The following AAK1 variants were observed in gnomAD, a reference collection of about 807,000 sequenced individuals.
AAK1 encodes the protein AP2-associated protein kinase 1.
AAK1 carries 37 observed loss-of-function variants against 116.0 expected under a neutral mutation model. The observed-to-expected ratio is 0.32, with a 90% CI of 0.25 to 0.42. The LOEUF (loss-of-function observed/expected upper bound fraction) is 0.42. AAK1 is among the 10% of genes least tolerant of loss of function. The pLI, the probability that AAK1 is intolerant of heterozygous loss-of-function variation, is 1.00. For missense variants in AAK1, 919 were observed against 1,170.6 expected, an observed-to-expected ratio of 0.79 and a Z score of 3.14; for synonymous variants, 458 against 439.9, an observed-to-expected ratio of 1.04 and a Z score of -0.51.
chr2:69,643,449 G>C (rs912717953), intron 1 of AAK1, 126 bp downstream of exon 1: 2 of 1,198,272 alleles, frequency 1.7e-6, no homozygotes, highest in Non-Finnish European at 2.1e-6. Flanking sequence ...CGGGACCCCC[G>C]AGCCGGGAGC....
At chr2:69,489,500 A>C (rs1438190241) in intron 17 of AAK1, among the ~76,000 whole-genome samples, 1 of 151,920 alleles carries the variant, frequency 6.6e-6, no homozygotes, top group East Asian at 1.9e-4. Context: ...AGGCTAATAA[A>C]ACCAAGGGCT....
Position 69,471,698 on chromosome 2 carries a change from T to G in AAK1, c.*4171A>C. 1.9e-5 allele frequency: 19 copies of G among 985,440 alleles called. No individual in the cohort carries two copies. The highest frequency in any genetic ancestry group is 2.3e-5 in the Non-Finnish European group (19 of 829,938). 61.0% of individuals were successfully genotyped at this position (985,440 alleles called of 1,614,324 possible). Reference sequence around the variant, plus strand: ...AAACCTTATCAAGAGAGACTTTATTTTGGCCCAAGGTATCTATAGCATGTA... The same window carrying G: ...AAACCTTATCAAGAGAGACTTTATTGTGGCCCAAGGTATCTATAGCATGTA... On this transcript the variant is annotated 3_prime_UTR_variant, in exon 22 of 22. Transcript: ENST00000409085.
intron 2 of AAK1, among the ~76,000 whole-genome samples, chr2:69,625,325 G>A (rs72897449): frequency 0.022 from 3,336 of 152,204 alleles, 112 homozygotes; most frequent in African/African-American, 0.074. Flanking sequence ...ATAAGGAAGC[G>A]GAAACCACCA....
At chr2:69,545,918 G>A (rs1392606734) in intron 3 of AAK1, among the ~76,000 whole-genome samples, 1 of 152,090 alleles carries the variant, frequency 6.6e-6, no homozygotes, top group Non-Finnish European at 1.5e-5. Context: ...TGTGCCTAAG[G>A]CAGCAGCATT....
chr2:69,590,904 G>A (rs777248019), intron 2 of AAK1, among the ~76,000 whole-genome samples: 1 of 152,136 alleles, frequency 6.6e-6, no homozygotes, highest in Non-Finnish European at 1.5e-5. Context: ...AACTTTATTG[G>A]AGCGATAAGG....
intron 2 of AAK1, among the ~76,000 whole-genome samples, chr2:69,564,724 C>T (rs1252800656): frequency 6.6e-6 from 1 of 152,174 alleles, no homozygotes; most frequent in Non-Finnish European, 1.5e-5. Context: ...CAAGGGCTTT[C>T]ACTTCATGCT....
At chr2:69,496,228 A>G (rs1462099725) in intron 16 of AAK1, 148 bp from the exon 17 acceptor site, 1 of 572,046 alleles carries the variant, frequency 1.7e-6, no homozygotes, top group Non-Finnish European at 3.1e-6. Context: ...AAGTGGCTGT[A>G]GCTCAGTGAA....
At chr2:69,594,320 C>T (rs1181313294) in intron 2 of AAK1, among the ~76,000 whole-genome samples, 12 of 152,192 alleles carry the variant, frequency 7.9e-5, no homozygotes, top group African/African-American at 2.9e-4. Flanking sequence ...TCCTGTGGAT[C>T]GTGTGTAGCC....
Position 69,471,788 on chromosome 2 carries a change from C to T in AAK1, c.*4081G>A. ...GTCAGCCCCAAAGATCCCTTCATTCCCACAGCACTGCTGAAGGCAGAACTG... is the reference window on the plus strand; with the variant it reads ...GTCAGCCCCAAAGATCCCTTCATTCTCACAGCACTGCTGAAGGCAGAACTG... On this transcript the variant is annotated 3_prime_UTR_variant, in exon 22 of 22. Coordinates refer to ENST00000409085, the MANE Select transcript of AAK1 (RefSeq NM_014911.5). 1.0e-6 allele frequency: 1 copy of T among 985,440 alleles called. No individual in the cohort carries two copies. Among genetic ancestry groups the T allele is most frequent in the South Asian group, 4.7e-5 (1 of 21,282 alleles). 61.0% of individuals were successfully genotyped at this position (985,440 alleles called of 1,614,324 possible).
At chr2:69,495,230 G>A (rs1158563898) in intron 17 of AAK1, among the ~76,000 whole-genome samples, 1 of 152,184 alleles carries the variant, frequency 6.6e-6, no homozygotes, top group African/African-American at 2.4e-5. Context: ...GAGTACGGAA[G>A]GAAGGCCGGA....
At chr2:69,479,657 A>G (rs1478243896) in intron 19 of AAK1, among the ~76,000 whole-genome samples, 1 of 152,216 alleles carries the variant, frequency 6.6e-6, no homozygotes, top group Non-Finnish European at 1.5e-5. Flanking sequence ...CTAGAACTCA[A>G]CCAGGTTCCC....
In AAK1 at chr2:69,643,215, C is replaced by T. The variant is rs1675827767; in HGVS notation, c.-175G>A. ...GAGGGAGGATGCCTATAGGAATATG[C>T]GTGTCAATCGCGCAGCGGGTCCCCT... On this transcript the variant is annotated 5_prime_UTR_variant, in exon 2 of 22. Coordinates refer to ENST00000409085, the MANE Select transcript of AAK1 (RefSeq NM_014911.5). 3 of 1,411,968 alleles carry T rather than the reference C, an allele frequency of 2.1e-6. No individual in the cohort carries two copies. The highest frequency in any genetic ancestry group is 3.1e-5 in the Admixed American group (1 of 31,912). The allele number at this position is 1,411,968 out of a possible 1,614,324, so 87.5% of individuals were successfully genotyped here.
At chr2:69,499,947 A>G (rs949092922) in intron 16 of AAK1, 2 of 152,222 alleles carry the variant, frequency 1.3e-5, no homozygotes, top group African/African-American at 4.8e-5. Flanking sequence ...TGTGTAAATT[A>G]TACACAGGAA....
intron 2 of AAK1, among the ~76,000 whole-genome samples, chr2:69,616,334 T>C (rs961855399): frequency 4.6e-5 from 7 of 152,308 alleles, no homozygotes; most frequent in African/African-American, 1.7e-4. Context: ...ACTGAACTGT[T>C]CACTTTAAAA....
At position 69,474,499 on chromosome 2, in the gene AAK1, A is replaced by T; in HGVS notation, c.*1370T>A. 2.0e-6 allele frequency: 2 copies of T among 984,966 alleles called. No homozygotes were observed. Among genetic ancestry groups the T allele is most frequent in the Non-Finnish European group, 2.4e-6 (2 of 829,448 alleles). 61.0% of individuals were successfully genotyped at this position (984,966 alleles called of 1,614,324 possible). A position where few individuals can be genotyped will look rare whatever the true frequency, so the allele number is the denominator to read the frequency against. On this transcript the variant is annotated 3_prime_UTR_variant, in exon 22 of 22. Coordinates refer to ENST00000409085, the MANE Select transcript of AAK1 (RefSeq NM_014911.5). ...TGCAGGGGCCTTTATTTATTTTATG[A>T]ACAATATCCTAAAGTTAATAAAGAA...
At chr2:69,632,698 A>C (rs896314308) in intron 2 of AAK1, among the ~76,000 whole-genome samples, 2 of 152,188 alleles carry the variant, frequency 1.3e-5, no homozygotes, top group African/African-American at 2.4e-5. Context: ...GGAGATCGAG[A>C]CCATCCTGGC....
In AAK1 at chr2:69,643,650, C is replaced by G. The variant is rs993130692; in HGVS notation, c.-310G>C. The G allele has an allele frequency of 4.1e-6, 5 of 1,227,178 alleles. 1 individual carries two copies. The highest frequency in any genetic ancestry group is 5.1e-6 in the Non-Finnish European group (5 of 985,150). The allele number at this position is 1,227,178 out of a possible 1,614,324, so 76.0% of individuals were successfully genotyped here. A position where few individuals can be genotyped will look rare whatever the true frequency, so the allele number is the denominator to read the frequency against. On this transcript the variant is annotated 5_prime_UTR_variant, in exon 1 of 22. Coordinates refer to ENST00000409085, the MANE Select transcript of AAK1 (RefSeq NM_014911.5). Reference sequence around the variant, plus strand: ...ACGGCCGCCGGGCCGGCCTGCGACGCAGAGAAGAGGCGGCGCTGCAGCGAG... The same window carrying G: ...ACGGCCGCCGGGCCGGCCTGCGACGGAGAGAAGAGGCGGCGCTGCAGCGAG...
At chr2:69,555,293 A>G (rs1029273382) in intron 3 of AAK1, among the ~76,000 whole-genome samples, 1 of 152,232 alleles carries the variant, frequency 6.6e-6, no homozygotes, top group Admixed American at 6.5e-5. Flanking sequence ...CTGTATGTAT[A>G]TGGCCCTTGG....
At chr2:69,497,109 A>C (rs1455021446) in intron 16 of AAK1, among the ~76,000 whole-genome samples, 2 of 152,060 alleles carry the variant, frequency 1.3e-5, no homozygotes, top group African/African-American at 4.8e-5. Flanking sequence ...TAGGATCAGA[A>C]GCCAGGTTTC....
Sources: gnomAD v4.1 joint callset for allele counts (sites outside exome capture counted in the v4.1 genomes callset) on GRCh38, gnomAD v4.1.1 for gene constraint, MANE v1.5 for transcripts, NCBI Gene and HGNC (gene_info 2026-07-23, HGNC 2026-07-21) for gene names.